Variants in ZNF804B observed in about 807,000 individuals in gnomAD.
ZNF804B encodes the protein zinc finger protein 804B.
A neutral mutation model predicts 101.4 loss-of-function variants in ZNF804B; 80 were observed. The ratio of observed to expected loss-of-function variants is 0.79; its 90% CI spans 0.66 to 0.95. The LOEUF is 0.95. Among genes scored for constraint, ZNF804B ranks in the 40% least tolerant of loss-of-function variants. The pLI, the probability that ZNF804B is intolerant of heterozygous loss-of-function variation, is 0.00. For missense variants in ZNF804B, 1,673 were observed against 1,561.9 expected, an observed-to-expected ratio of 1.07 and a Z score of -1.20; for synonymous variants, 622 against 558.8, an observed-to-expected ratio of 1.11 and a Z score of -1.59.
At chr7:89,000,535 C>T (rs1370020162) in intron 1 of ZNF804B, among the ~76,000 whole-genome samples, 4 of 151,860 alleles carry the variant, frequency 2.6e-5, no homozygotes, top group African/African-American at 9.7e-5. Flanking sequence ...GTGAATTAAT[C>T]AAATTAGTTT....
At chr7:89,288,810 G>A (rs61508823) in intron 2 of ZNF804B, among the ~76,000 whole-genome samples, 5,611 of 152,218 alleles carry the variant, frequency 0.037, 319 homozygotes, top group African/African-American at 0.13. Context: ...AGAAAAAAGC[G>A]AAGAACATCA....
At chr7:89,227,808 C>G (rs1562922632) in intron 2 of ZNF804B, among the ~76,000 whole-genome samples, 1 of 152,176 alleles carries the variant, frequency 6.6e-6, no homozygotes, top group African/African-American at 2.4e-5. Flanking sequence ...CAGTCTAGAA[C>G]AACTTGCCTT....
intron 1 of ZNF804B, among the ~76,000 whole-genome samples, chr7:88,786,663 C>G (rs2115673088): frequency 6.6e-6 from 1 of 152,060 alleles, no homozygotes; most frequent in South Asian, 2.1e-4. Context: ...ATTTATATGA[C>G]CTACACCTCA....
At chr7:88,853,229 G>A (rs552000258) in intron 1 of ZNF804B, among the ~76,000 whole-genome samples, 34 of 152,212 alleles carry the variant, frequency 2.2e-4, no homozygotes, top group Non-Finnish European at 4.0e-4. Flanking sequence ...TCAGACAAAC[G>A]TATTCTGGGA....
chr7:88,880,972 A>G (rs141579169), intron 1 of ZNF804B, among the ~76,000 whole-genome samples: 2 of 152,094 alleles, frequency 1.3e-5, no homozygotes, highest in African/African-American at 4.8e-5. Context: ...TTTAAGATTT[A>G]TATTATTATC....
chr7:89,294,998 A>G (rs972066351), intron 2 of ZNF804B, among the ~76,000 whole-genome samples: 1 of 152,130 alleles, frequency 6.6e-6, no homozygotes, highest in East Asian at 1.9e-4. Flanking sequence ...CTTTCATGAT[A>G]CTAGTTTTCC....
chr7:89,083,546 AC>A (rs1789728485), intron 1 of ZNF804B, among the ~76,000 whole-genome samples: 1 of 118,346 alleles, frequency 8.4e-6, no homozygotes, highest in Admixed American at 8.1e-5. Context: ...ATTCAGAAAC[AC>A]ATGTGTTTGA....
intron 1 of ZNF804B, among the ~76,000 whole-genome samples, chr7:89,012,189 A>C (rs868764506): frequency 6.6e-6 from 1 of 152,122 alleles, no homozygotes; most frequent in Non-Finnish European, 1.5e-5. Context: ...GACACAGGAC[A>C]CCAAGTCCTA....
chr7:89,331,368 G>A (rs577619204), intron 3 of ZNF804B, among the ~76,000 whole-genome samples: 1 of 151,722 alleles, frequency 6.6e-6, no homozygotes, highest in South Asian at 2.1e-4. Flanking sequence ...ATGCTTGAAA[G>A]AAACATTCAG....
intron 1 of ZNF804B, among the ~76,000 whole-genome samples, chr7:89,149,326 G>A (rs559717454): frequency 6.6e-6 from 1 of 152,004 alleles, no homozygotes; most frequent in Admixed American, 6.6e-5. Flanking sequence ...TCCAAATAAA[G>A]GTACAAAGCC....
intron 1 of ZNF804B, among the ~76,000 whole-genome samples, chr7:88,995,687 G>A (rs1788181552): frequency 6.6e-6 from 1 of 152,002 alleles, no homozygotes; most frequent in Non-Finnish European, 1.5e-5. Flanking sequence ...TCCTTCCAAA[G>A]AGTGCTGTAT....
intron 1 of ZNF804B, among the ~76,000 whole-genome samples, chr7:88,854,431 CTTT>C (rs1791507683): frequency 4.1e-5 from 5 of 121,124 alleles, no homozygotes; most frequent in African/African-American, 1.3e-4. Context: ...TTCTTTCTTT[CTTT>C]CTTTCTTTCT....
intron 1 of ZNF804B, among the ~76,000 whole-genome samples, chr7:88,994,532 GC>G (rs1403678227): frequency 6.6e-6 from 1 of 151,994 alleles, no homozygotes; most frequent in Non-Finnish European, 1.5e-5. Context: ...TTTCACTGTA[GC>G]CTTTGGCTAC....
chr7:89,227,483 A>G (rs1057072968), intron 2 of ZNF804B, among the ~76,000 whole-genome samples: 3 of 152,200 alleles, frequency 2.0e-5, no homozygotes, highest in African/African-American at 4.8e-5. Flanking sequence ...AACATTATAG[A>G]GAGTGTATAA....
intron 1 of ZNF804B, among the ~76,000 whole-genome samples, chr7:88,940,061 A>T (rs956870619): frequency 3.3e-5 from 5 of 152,036 alleles, no homozygotes; most frequent in African/African-American, 1.2e-4. Flanking sequence ...TATTTGAAAG[A>T]ACTCTTTATT....
At chr7:89,005,386 G>A (rs1788358147) in intron 1 of ZNF804B, among the ~76,000 whole-genome samples, 2 of 151,928 alleles carry the variant, frequency 1.3e-5, no homozygotes, top group Non-Finnish European at 2.9e-5. Flanking sequence ...GAAGTCTACT[G>A]CAAGCAGAAT....
intron 1 of ZNF804B, among the ~76,000 whole-genome samples, chr7:89,023,957 A>T (rs886295070): frequency 6.6e-6 from 1 of 152,178 alleles, no homozygotes; most frequent in African/African-American, 2.4e-5. Flanking sequence ...AGCTTGCTAA[A>T]TTGTGGGCAG....
At chr7:88,913,052 C>CTGG (rs1220348510) in intron 1 of ZNF804B, among the ~76,000 whole-genome samples, 12 of 152,088 alleles carry the variant, frequency 7.9e-5, no homozygotes, top group African/African-American at 2.9e-4. Context: ...AGGTAGCTTC[C>CTGG]TGGTCAACAA....
At chr7:88,891,707 CTTTGT>C (rs769404126) in intron 1 of ZNF804B, among the ~76,000 whole-genome samples, 11 of 149,534 alleles carry the variant, frequency 7.4e-5, no homozygotes, top group Admixed American at 2.0e-4. Context: ...CTCTACTAGT[CTTTGT>C]TTTGTTTTGT....
Sources: gnomAD v4.1 joint callset for allele counts (sites outside exome capture counted in the v4.1 genomes callset) on GRCh38, gnomAD v4.1.1 for gene constraint, MANE v1.5 for transcripts, NCBI Gene and HGNC (gene_info 2026-07-23, HGNC 2026-07-21) for gene names.